Variants in NRXN3 observed in about 807,000 individuals in gnomAD.
NRXN3 encodes neurexin III.
In NRXN3, 32 loss-of-function variants were observed where a neutral mutation model predicts 137.6. The ratio of observed to expected loss-of-function variants is 0.23; its 90% CI spans 0.18 to 0.31. NRXN3 has a LOEUF of 0.31. Ranked by LOEUF, NRXN3 falls within the 10% of genes least tolerant of loss-of-function variation. The pLI, the probability that NRXN3 is intolerant of heterozygous loss-of-function variation, is 1.00. For missense variants in NRXN3, 1,574 were observed against 2,062.5 expected, an observed-to-expected ratio of 0.76 and a Z score of 4.59; for synonymous variants, 798 against 784.5, an observed-to-expected ratio of 1.02 and a Z score of -0.29.
intron 4 of NRXN3, among the ~76,000 whole-genome samples, chr14:78,403,314 G>GTCCTCTTTAGT (rs2092245735): frequency 6.6e-6 from 1 of 152,202 alleles, no homozygotes; most frequent in Non-Finnish European, 1.5e-5. Context: ...GCTTCAAAAT[G>GTCCTCTTTAGT]TCCTCTTTAG....
chr14:78,817,782 G>C lies in NRXN3; in HGVS notation c.2275+7438G>C, dbSNP rs181043670. Among the ~76,000 whole-genome samples, 601 of 152,134 alleles carry C rather than the reference G, an allele frequency of 4.0e-3. 4 individuals carry two copies. The highest frequency in any genetic ancestry group is 0.013 in the African/African-American group (533 of 41,528). On this transcript the variant is annotated intron_variant, in intron 10 of 20. Coordinates refer to ENST00000335750, the MANE Select transcript of NRXN3 (RefSeq NM_001330195.2). ...AGAAGTCACTAACCCCTGCCTGAGG[G>C]CATTAATCTATTTATGAGGGATTCA...
intron 4 of NRXN3, among the ~76,000 whole-genome samples, chr14:78,603,531 A>G (rs984939004): frequency 8.5e-5 from 13 of 152,214 alleles, no homozygotes; most frequent in African/African-American, 3.1e-4. Flanking sequence ...AGGACAGAAG[A>G]TGGATTAATA....
At chr14:78,348,869 C>T (rs2083104888) in intron 4 of NRXN3, among the ~76,000 whole-genome samples, 1 of 152,138 alleles carries the variant, frequency 6.6e-6, no homozygotes, top group Non-Finnish European at 1.5e-5. Flanking sequence ...TGCTGGACTC[C>T]AGAGGCTGTC....
chr14:79,731,126 G>A (rs948043887), intron 19 of NRXN3, among the ~76,000 whole-genome samples: 7 of 152,178 alleles, frequency 4.6e-5, no homozygotes, highest in African/African-American at 1.7e-4. Flanking sequence ...TGTTTTCTGA[G>A]ATCTCAACTC....
At chr14:78,696,502 AC>A (rs890962288) in intron 6 of NRXN3, among the ~76,000 whole-genome samples, 3 of 152,094 alleles carry the variant, frequency 2.0e-5, no homozygotes, top group African/African-American at 7.2e-5. Context: ...AGATTAAGTA[AC>A]CTGTCTAGAT....
intron 15 of NRXN3, among the ~76,000 whole-genome samples, chr14:79,014,530 G>A (rs376309983): frequency 2.0e-5 from 3 of 152,090 alleles, no homozygotes; most frequent in African/African-American, 4.8e-5. Flanking sequence ...TTGATTCCAT[G>A]TCTTTGCTAT....
chr14:78,724,785 G>A (rs2098475588), intron 8 of NRXN3, among the ~76,000 whole-genome samples: 3 of 152,088 alleles, frequency 2.0e-5, no homozygotes, highest in Admixed American at 1.3e-4. Flanking sequence ...AAATGTGGAG[G>A]GAAGAGATGT....
intron 8 of NRXN3, among the ~76,000 whole-genome samples, chr14:78,729,992 C>T (rs2098507086): frequency 6.6e-6 from 1 of 152,232 alleles, no homozygotes; most frequent in African/African-American, 2.4e-5. Context: ...GACATCTAAA[C>T]TGCCCACCCT....
At chr14:78,673,948 C>G (rs780356327) in intron 6 of NRXN3, among the ~76,000 whole-genome samples, 6 of 152,170 alleles carry the variant, frequency 3.9e-5, no homozygotes, top group Non-Finnish European at 8.8e-5. Context: ...GGGAGTGGAA[C>G]GTAAGACAGC....
chr14:79,150,187 C>T (rs1177108953), intron 15 of NRXN3, among the ~76,000 whole-genome samples: 1 of 152,018 alleles, frequency 6.6e-6, no homozygotes, highest in Non-Finnish European at 1.5e-5. Flanking sequence ...ATGGACACTT[C>T]TGAATTCACT....
intron 6 of NRXN3, among the ~76,000 whole-genome samples, chr14:78,678,730 C>T (rs1213578899): frequency 6.6e-6 from 1 of 151,978 alleles, no homozygotes; most frequent in Non-Finnish European, 1.5e-5. Context: ...AAAACATATG[C>T]CTAAAGTTCC....
intron 15 of NRXN3, among the ~76,000 whole-genome samples, chr14:79,227,835 T>TCCCTCCCTTCCG (rs2071343366): frequency 9.5e-6 from 1 of 105,704 alleles, no homozygotes; most frequent in Non-Finnish European, 2.1e-5. Context: ...CCTCCCTTCC[T>TCCCTCCCTTCCG]CCCTCCCTTC....
intron 1 of NRXN3, among the ~76,000 whole-genome samples, chr14:78,237,330 A>G (rs1479027035): frequency 1.3e-5 from 2 of 152,260 alleles, no homozygotes; most frequent in African/African-American, 2.4e-5. Context: ...GTTTTGGTTC[A>G]TGAAATGGAA....
In NRXN3 at chr14:79,663,874, G is replaced by A. The variant is rs1356964982; in HGVS notation, c.3541G>A (p.Val1181Ile). ...TPVNDGKYHV[V>I]RFTRNGGNAT... is the part of the protein sequence containing the mutation. ...TGTAAATGACGGCAAATACCATGTG[G>A]TACGCTTCACCAGGAACGGCGGCAA... Residue 1181 changes from valine to isoleucine, a missense_variant, in exon 17 of 21, where the codon GTA (valine) becomes ATA (isoleucine). Around this residue, in one of 5 missense-constraint regions of NRXN3, gnomAD observed 133 missense variants for 241.8 expected, o/e 0.55. Transcript: ENST00000335750. 6.2e-7 allele frequency: 1 copy of A among 1,613,576 alleles called. No homozygotes were observed.
chr14:78,191,169 G>C (rs1231248925), intron 1 of NRXN3, among the ~76,000 whole-genome samples: 3 of 152,160 alleles, frequency 2.0e-5, no homozygotes, highest in African/African-American at 7.2e-5. Flanking sequence ...ATTCACAACT[G>C]GTGGGGTGTG....
At chr14:79,653,988 T>G (rs1182900827) in intron 16 of NRXN3, among the ~76,000 whole-genome samples, 3 of 152,338 alleles carry the variant, frequency 2.0e-5, no homozygotes, top group Middle Eastern at 3.4e-3. Flanking sequence ...AGGGGCAATA[T>G]GACTCAATAA....
At chr14:79,163,409 A>G (rs1044728614) in intron 15 of NRXN3, among the ~76,000 whole-genome samples, 4 of 151,990 alleles carry the variant, frequency 2.6e-5, no homozygotes, top group South Asian at 2.1e-4. Flanking sequence ...TAAGTAGATT[A>G]TTTACCATCT....
At chr14:79,178,077 T>G (rs1252805418) in intron 15 of NRXN3, among the ~76,000 whole-genome samples, 1 of 152,188 alleles carries the variant, frequency 6.6e-6, no homozygotes, top group Non-Finnish European at 1.5e-5. Context: ...CCTCAACCTG[T>G]GTGTAGTACA....
chr14:79,232,391 A>T (rs2072400017), intron 15 of NRXN3, among the ~76,000 whole-genome samples: 1 of 152,164 alleles, frequency 6.6e-6, no homozygotes, highest in African/African-American at 2.4e-5. Flanking sequence ...TGATAGGTAG[A>T]TATCTATTAG....
Sources: gnomAD v4.1 joint callset for allele counts (sites outside exome capture counted in the v4.1 genomes callset) on GRCh38, gnomAD v4.1.1 for gene constraint, gnomAD v4.1.1 regional missense constraint, MANE v1.5 for transcripts, NCBI Gene and HGNC (gene_info 2026-07-23, HGNC 2026-07-21) for gene names.